Variants in DLGAP1 observed in about 807,000 individuals in gnomAD.
DLGAP1 encodes the protein disks large-associated protein 1.
DLGAP1 carries 11 observed loss-of-function variants against 90.8 expected under a neutral mutation model. That is an observed-to-expected ratio of 0.12 (90% CI 0.08 to 0.20). The LOEUF (loss-of-function observed/expected upper bound fraction) is 0.20. Among genes scored for constraint, DLGAP1 ranks in the 10% least tolerant of loss-of-function variants. The probability of loss-of-function intolerance (pLI) is 1.00; values close to 1 mark genes in which losing one functional copy is unlikely to be tolerated. For synonymous variants in DLGAP1, 558 were observed against 540.7 expected (o/e 1.03, Z -0.44); for missense variants, 1,050 against 1,333.8 (o/e 0.79, Z 3.31).
chr18:3,931,076 T>C (rs973987103), intron 3 of DLGAP1, among the ~76,000 whole-genome samples: 1 of 152,106 alleles, frequency 6.6e-6, no homozygotes, highest in Non-Finnish European at 1.5e-5. Context: ...GTGCCAAGCT[T>C]AAGGCTGGGC....
chr18:3,798,050 G>T (rs11874221), intron 5 of DLGAP1, among the ~76,000 whole-genome samples: 5,583 of 152,288 alleles, frequency 0.037, 136 homozygotes, highest in South Asian at 0.062. Context: ...ATGGAACTGT[G>T]AGTCCATTAA....
At chr18:3,525,477 G>A (rs561630563) in intron 10 of DLGAP1, among the ~76,000 whole-genome samples, 1 of 152,274 alleles carries the variant, frequency 6.6e-6, no homozygotes, top group Admixed American at 6.5e-5. Flanking sequence ...TCGGCTCACT[G>A]CAACCTCCAC....
intron 1 of DLGAP1, among the ~76,000 whole-genome samples, chr18:4,177,537 T>C (rs2077130518): frequency 1.3e-5 from 2 of 152,152 alleles, no homozygotes; most frequent in South Asian, 4.1e-4. Context: ...ATGTCATAAG[T>C]GTTTGGTGTA....
intron 5 of DLGAP1, among the ~76,000 whole-genome samples, chr18:3,780,623 T>C (rs1435991865): frequency 6.6e-6 from 1 of 152,198 alleles, no homozygotes; most frequent in Non-Finnish European, 1.5e-5. Flanking sequence ...TATTTTAAAG[T>C]CAGTTGTTTA....
At chr18:3,663,712 A>G (rs1012395214) in intron 7 of DLGAP1, among the ~76,000 whole-genome samples, 1 of 152,212 alleles carries the variant, frequency 6.6e-6, no homozygotes, top group Non-Finnish European at 1.5e-5. Context: ...ACTCCCAGCC[A>G]TTGAAATGAA....
chr18:3,877,226 C>T (rs1473116211), intron 4 of DLGAP1, among the ~76,000 whole-genome samples: 1 of 152,114 alleles, frequency 6.6e-6, no homozygotes, highest in Non-Finnish European at 1.5e-5. Flanking sequence ...TATCACTTTC[C>T]TTATCTTTCC....
chr18:3,614,595 C>T (rs923039027), intron 7 of DLGAP1, among the ~76,000 whole-genome samples: 124 of 149,390 alleles, frequency 8.3e-4, no homozygotes, highest in Non-Finnish European at 8.9e-5. Flanking sequence ...GTCTCCCGCA[C>T]TTTGGGAGGC....
chr18:4,060,996 T>C (rs2143285560), intron 2 of DLGAP1, among the ~76,000 whole-genome samples: 1 of 152,316 alleles, frequency 6.6e-6, no homozygotes, highest in South Asian at 2.1e-4. Context: ...ACTTGCCTTC[T>C]TTAAACCTCG....
intron 6 of DLGAP1, among the ~76,000 whole-genome samples, chr18:3,741,066 A>G (rs1019828817): frequency 1.0e-5 from 1 of 95,918 alleles, no homozygotes; most frequent in Non-Finnish European, 1.9e-5. Context: ...CATCACCACC[A>G]CCACCACCAC....
intron 1 of DLGAP1, among the ~76,000 whole-genome samples, chr18:4,297,925 G>A (rs1357119675): frequency 2.6e-5 from 4 of 152,010 alleles, no homozygotes; most frequent in African/African-American, 9.7e-5. Context: ...TAACAGCATC[G>A]CCATGAAAGG....
chr18:4,094,260 C>T (rs1177120732), intron 2 of DLGAP1, among the ~76,000 whole-genome samples: 1 of 152,090 alleles, frequency 6.6e-6, no homozygotes, highest in African/African-American at 2.4e-5. Flanking sequence ...TTAATCTTAT[C>T]TCTTTCCTTT....
intron 7 of DLGAP1, among the ~76,000 whole-genome samples, chr18:3,600,883 T>C: frequency 4.2e-5 from 1 of 24,062 alleles, no homozygotes; most frequent in Non-Finnish European, 1.1e-4. Flanking sequence ...GATATATAGA[T>C]AGATATATAG....
At chr18:3,960,287 CT>C (rs2073171540) in intron 3 of DLGAP1, among the ~76,000 whole-genome samples, 1 of 152,332 alleles carries the variant, frequency 6.6e-6, no homozygotes, top group African/African-American at 2.4e-5. Context: ...TCTGCTAGGT[CT>C]CTTCTTGTGT....
chr18:3,535,784 C>T (rs896347290), intron 9 of DLGAP1, among the ~76,000 whole-genome samples: 1 of 151,912 alleles, frequency 6.6e-6, no homozygotes, highest in East Asian at 1.9e-4. Flanking sequence ...GTAATCCCAG[C>T]ACTTTGGGAG....
At chr18:4,239,790 T>C (rs117956734) in intron 1 of DLGAP1, among the ~76,000 whole-genome samples, 2,846 of 152,276 alleles carry the variant, frequency 0.019, 36 homozygotes, top group Non-Finnish European at 0.027. Context: ...ATAATATTTA[T>C]TTGGAAGGTT....
In DLGAP1 at chr18:3,879,643, C is replaced by T. The variant is rs2071097033; in HGVS notation, c.426G>A (p.Val142=). The change falls in exon 4 of 13, where the codon GTG becomes GTA. Residue 142 remains valine (V), a synonymous_variant. Transcript: ENST00000315677. This position sits in a 1 kb window ranked among gnomAD's most constrained non-coding sequence, Gnocchi z 6.6. ...TGGTGAAGAGCTTCTGGACCGAGTGCACCAGGTGGCGGATGCGGCCGGGGC... is the reference window on the plus strand; with the variant it reads ...TGGTGAAGAGCTTCTGGACCGAGTGTACCAGGTGGCGGATGCGGCCGGGGC... ...SDSPGRIRHL[V]HSVQKLFTKS... 6.2e-7 allele frequency: 1 copy of T among 1,605,324 alleles called. No individual in the cohort carries two copies. The highest frequency in any genetic ancestry group is 2.2e-5 in the East Asian group (1 of 44,826).
intron 8 of DLGAP1, among the ~76,000 whole-genome samples, chr18:3,574,034 C>T (rs921986837): frequency 6.6e-6 from 1 of 152,088 alleles, no homozygotes; most frequent in Non-Finnish European, 1.5e-5. Flanking sequence ...CCTCTTGCAT[C>T]GGTATTAGTA....
At chr18:4,265,513 C>T (rs1362050631) in intron 1 of DLGAP1, among the ~76,000 whole-genome samples, 2 of 148,336 alleles carry the variant, frequency 1.3e-5, no homozygotes, top group Non-Finnish European at 3.0e-5. Context: ...TTTGTTTCTT[C>T]TTTTTCTTTC....
intron 1 of DLGAP1, among the ~76,000 whole-genome samples, chr18:4,418,884 C>T (rs1165497848): frequency 6.6e-6 from 1 of 151,620 alleles, no homozygotes; most frequent in Non-Finnish European, 1.5e-5. Flanking sequence ...CCTCAGAGAG[C>T]GCAAAGCATG....
Sources: allele counts gnomAD v4.1 joint callset (sites outside exome capture counted in the v4.1 genomes callset), GRCh38; gene constraint gnomAD v4.1.1; non-coding constraint Gnocchi (gnomAD v3.1); transcripts MANE v1.5; gene names NCBI Gene and HGNC (gene_info 2026-07-23, HGNC 2026-07-21).